VWA5B1: variants seen among roughly 807,000 people sequenced by gnomAD.
VWA5B1 encodes the protein von Willebrand factor A domain containing 5B1.
In VWA5B1, 115 loss-of-function variants were observed where a neutral mutation model predicts 118.2. The observed-to-expected ratio is 0.97, with a 90% CI of 0.84 to 1.14. The LOEUF is 1.14. Ranked by LOEUF, VWA5B1 falls within the 50% of genes most tolerant of loss-of-function variation. The pLI is 0.00. For missense variants in VWA5B1, 1,596 were observed against 1,603.8 expected, an observed-to-expected ratio of 1.00 and a Z score of 0.08; for synonymous variants, 682 against 658.4, an observed-to-expected ratio of 1.04 and a Z score of -0.55.
Position 20,317,601 on chromosome 1 carries a change from A to T in VWA5B1, c.635A>T (p.Asn212Ile), listed in dbSNP as rs1178120839. The change falls in exon 5 of 22, where the codon AAC becomes ATC. Residue 212 changes from asparagine to isoleucine, a missense_variant. By Grantham distance (149) the Asn-to-Ile change is moderately radical. Transcript: ENST00000289815. ...AAGTTGTGCCTGGCGACTCTCCTGAACACCGAAGTGTCCAACCCCATGGAG... is the reference window on the plus strand; with the variant it reads ...AAGTTGTGCCTGGCGACTCTCCTGATCACCGAAGTGTCCAACCCCATGGAG... Reference protein sequence around the residue: ...WNKLCLATLLNTEVSNPMEYE... With the variant: ...WNKLCLATLLITEVSNPMEYE... 3.4e-5 allele frequency: 52 copies of T among 1,551,736 alleles called. No homozygotes were observed. The highest frequency in any genetic ancestry group is 2.2e-4 in the Admixed American group (11 of 50,972).
chr1:20,347,536 C>G (rs548746551), intron 17 of VWA5B1, among the ~76,000 whole-genome samples: 2 of 152,030 alleles, frequency 1.3e-5, no homozygotes, highest in African/African-American at 4.8e-5. Context: ...AACTCTTGGA[C>G]TCAAGTGATC....
intron 12 of VWA5B1, among the ~76,000 whole-genome samples, chr1:20,335,778 T>C (rs190142291): frequency 2.6e-4 from 39 of 152,324 alleles, no homozygotes; most frequent in African/African-American, 6.7e-4. Flanking sequence ...TGTCTTGACA[T>C]TGAGTGGCGA....
At chr1:20,312,580 C>G (rs946009998) in intron 2 of VWA5B1, among the ~76,000 whole-genome samples, 2 of 152,220 alleles carry the variant, frequency 1.3e-5, no homozygotes, top group Admixed American at 6.5e-5. Context: ...TGTTTTCACT[C>G]TCTTGGAAAA....
Position 20,343,466 on chromosome 1 carries a change from C to A in VWA5B1, c.2626+73C>A, listed in dbSNP as rs1477369833. The A allele has an allele frequency of 1.5e-5, 21 of 1,444,960 alleles. No individual in the cohort carries two copies. The African/African-American group carries it at 1.7e-4, about 12-fold the overall frequency. 89.5% of individuals were successfully genotyped at this position (1,444,960 alleles called of 1,614,324 possible). A position where few individuals can be genotyped will look rare whatever the true frequency, so the allele number is the denominator to read the frequency against. ...CAGCCCCGCTCCACAGCCGCTCCCC[C>A]TTCCCCACCCGCCCCCGGTGATCCT... On this transcript the variant is annotated intron_variant, in intron 16 of 21. Transcript: ENST00000289815.
intron 18 of VWA5B1, among the ~76,000 whole-genome samples, 186 bp downstream of exon 18, chr1:20,348,544 C>T (rs933298264): frequency 2.0e-5 from 3 of 152,096 alleles, no homozygotes; most frequent in East Asian, 1.9e-4. Flanking sequence ...CAGAGAGGCT[C>T]GGTATGGCCG....
chr1:20,310,875 G>T, intron 2 of VWA5B1, 135 bp downstream of exon 2: 2 of 1,282,990 alleles, frequency 1.6e-6, no homozygotes, highest in Non-Finnish European at 2.1e-6. Flanking sequence ...CTATAAAATG[G>T]TGAGATTCTT....
Position 20,354,362 on chromosome 1 carries a change from AAT to A in VWA5B1, c.*102_*103del. ...TCGGGGAGCTTTTGGAGCTGTAACT[AAT>A]ATTTCAGTTACTAGAAAGAGCCCTG... On this transcript the variant is annotated 3_prime_UTR_variant, in exon 22 of 22. Coordinates refer to ENST00000289815, the MANE Select transcript of VWA5B1 (RefSeq NM_001039500.3). The A allele has an allele frequency of 7.3e-7, 1 of 1,368,802 alleles. No individual in the cohort carries two copies. Among genetic ancestry groups the A allele is most frequent in the South Asian group, 1.5e-5 (1 of 66,684 alleles). 84.8% of individuals were successfully genotyped at this position (1,368,802 alleles called of 1,614,324 possible). A position where few individuals can be genotyped will look rare whatever the true frequency, so the allele number is the denominator to read the frequency against.
chr1:20,343,769 C>T (rs1274210764), intron 16 of VWA5B1, among the ~76,000 whole-genome samples: 7 of 40,940 alleles, frequency 1.7e-4, no homozygotes, highest in African/African-American at 8.2e-4. Context: ...CTGTGCCTGT[C>T]CACTTCCCCC....
rs931105082 is a variant in VWA5B1 at position 20,357,365 on chromosome 1, T to C, written c.*3102T>C. On this transcript the variant is annotated 3_prime_UTR_variant, in exon 22 of 22. Coordinates refer to ENST00000289815, the MANE Select transcript of VWA5B1 (RefSeq NM_001039500.3). ...CGTGAATAAGCAACCTATGAGAAAC[T>C]GTGCTATGGGCAAAGATGTTGAGGA... Among the ~76,000 whole-genome samples, 1 of 152,230 alleles carries C rather than the reference T, an allele frequency of 6.6e-6. No individual in the cohort carries two copies. Among genetic ancestry groups the C allele is most frequent in the Admixed American group, 6.5e-5 (1 of 15,288 alleles).
intron 1 of VWA5B1, among the ~76,000 whole-genome samples, chr1:20,291,756 C>T (rs1431613629): frequency 1.3e-5 from 2 of 152,192 alleles, no homozygotes; most frequent in African/African-American, 2.4e-5. Flanking sequence ...TTTCCTGAGC[C>T]CCGTGTCTCC....
At chr1:20,350,408 G>A (rs1344426115) in intron 19 of VWA5B1, among the ~76,000 whole-genome samples, 178 bp downstream of exon 19, 2 of 152,200 alleles carry the variant, frequency 1.3e-5, no homozygotes, top group African/African-American at 4.8e-5. Context: ...GTGCAAAGAG[G>A]TGAAGTGACT....
In VWA5B1 at chr1:20,327,927, C is replaced by T. The variant is rs1350407556; in HGVS notation, c.1181C>T (p.Ala394Val). 1 of 1,551,588 alleles carries T rather than the reference C, an allele frequency of 6.4e-7. No individual in the cohort carries two copies. Among genetic ancestry groups the T allele is most frequent in the East Asian group, 2.4e-5 (1 of 40,916 alleles). The change falls in exon 9 of 22, where the codon GCC (alanine) becomes GTC (valine). Residue 394 changes from alanine to valine, a missense_variant. Coordinates refer to ENST00000289815, the MANE Select transcript of VWA5B1 (RefSeq NM_001039500.3). ...MLVALKSLMP[A>V]CLFNIIGFGS... ...GTGGCCCTTAAGAGCCTCATGCCAG[C>T]CTGCCTCTTCAATATCATTGGGTTT...
Position 20,353,931 on chromosome 1 carries a change from C to G in VWA5B1, c.3316C>G (p.Pro1106Ala). ...TPSPQLCTSS[P>A]PRHPSCDSFS... ...GAGTCCCCAGCTGTGCACCAGCTCCCCGCCTAGGCACCCGTCCTGTGACAG... is the reference window on the plus strand; with the variant it reads ...GAGTCCCCAGCTGTGCACCAGCTCCGCGCCTAGGCACCCGTCCTGTGACAG... The change falls in exon 22 of 22, where the codon CCG becomes GCG. Residue 1106 changes from proline to alanine, a missense_variant. By Grantham distance (27) the Pro-to-Ala change is conservative. Coordinates refer to ENST00000289815, the MANE Select transcript of VWA5B1 (RefSeq NM_001039500.3). 6.5e-7 allele frequency: 1 copy of G among 1,550,244 alleles called. No individual in the cohort carries two copies. Among genetic ancestry groups the G allele is most frequent in the South Asian group, 1.2e-5 (1 of 83,844 alleles).
At chr1:20,332,974 G>T in intron 12 of VWA5B1, 23 bp downstream of exon 12, 8 of 1,550,192 alleles carry the variant, frequency 5.2e-6, no homozygotes, top group South Asian at 1.2e-5. Context: ...GAAATTCCAC[G>T]GGTCCGTGTG....
intron 1 of VWA5B1, among the ~76,000 whole-genome samples, chr1:20,299,839 T>C (rs2088473578): frequency 6.6e-6 from 1 of 152,126 alleles, no homozygotes. Flanking sequence ...CTTTCCCCAC[T>C]CCTACCCCCG....
Position 20,314,542 on chromosome 1 carries a change from G to A in VWA5B1, c.513G>A (p.Val171=), listed in dbSNP as rs1233922965. 3.9e-6 allele frequency: 6 copies of A among 1,551,664 alleles called. No homozygotes were observed. Among genetic ancestry groups the A allele is most frequent in the Non-Finnish European group, 5.2e-6 (6 of 1,147,006 alleles). Residue 171 remains valine, a synonymous_variant, in exon 4 of 22, where the codon GTG becomes GTA. Coordinates refer to ENST00000289815, the MANE Select transcript of VWA5B1 (RefSeq NM_001039500.3). ...VLLPAVCAPT[V]PQFCTKSTGT... The stretch of plus-strand genomic sequence containing the variant: ...TGCCTGCTGTCTGTGCCCCAACCGT[G>A]CCCCAGTTCTGCACCAAGAGCACTG...
chr1:20,354,306 G>C lies in VWA5B1; in HGVS notation c.*43G>C. 2 of 1,458,786 alleles carry C rather than the reference G, an allele frequency of 1.4e-6. No homozygotes were observed. The highest frequency in any genetic ancestry group is 1.4e-5 in the African/African-American group (1 of 71,408). The allele number at this position is 1,458,786 out of a possible 1,614,324, so 90.4% of individuals were successfully genotyped here. On this transcript the variant is annotated 3_prime_UTR_variant, in exon 22 of 22. Transcript: ENST00000289815. The stretch of plus-strand genomic sequence containing the variant: ...TGGGTGGAGGGAAGGGTGGGGAGGA[G>C]AGGGATGGGCAGGGCCATGTCGGCC...
chr1:20,339,275 C>T (rs115407376), intron 14 of VWA5B1: 8,121 of 152,214 alleles, frequency 0.053, 232 homozygotes, highest in Middle Eastern at 0.091. Context: ...GGCATGGTGG[C>T]TCATGCCTGT....
chr1:20,317,389 G>T, intron 4 of VWA5B1, 141 bp from the exon 5 acceptor site: 2 of 1,160,384 alleles, frequency 1.7e-6, no homozygotes, highest in Non-Finnish European at 2.4e-6. Context: ...CTGGGGTCAG[G>T]TTGAGTGGGA....
Sources: allele counts gnomAD v4.1 joint callset (sites outside exome capture counted in the v4.1 genomes callset), GRCh38; gene constraint gnomAD v4.1.1; transcripts MANE v1.5; gene names NCBI Gene and HGNC (gene_info 2026-07-23, HGNC 2026-07-21).